The following CACNA2D3 variants were observed in gnomAD, a reference collection of about 807,000 sequenced individuals.
The protein encoded by CACNA2D3 is calcium voltage-gated channel auxiliary subunit alpha2delta 3.
CACNA2D3 carries 60 observed loss-of-function variants against 160.6 expected under a neutral mutation model. The observed-to-expected ratio is 0.37, with a 90% CI of 0.30 to 0.46. The LOEUF (loss-of-function observed/expected upper bound fraction) is 0.46. Ranked by LOEUF, CACNA2D3 falls within the 20% of genes least tolerant of loss-of-function variation. The probability of loss-of-function intolerance (pLI) is 1.00; values close to 1 mark genes in which losing one functional copy is unlikely to be tolerated. For missense variants in CACNA2D3, 1,205 were observed against 1,365.0 expected (o/e 0.88, Z 1.85); for synonymous variants, 558 against 492.9 (o/e 1.13, Z -1.75).
intron 9 of CACNA2D3, among the ~76,000 whole-genome samples, chr3:54,627,319 T>A (rs940972760): frequency 2.6e-5 from 4 of 152,160 alleles, no homozygotes; most frequent in Non-Finnish European, 4.4e-5. Flanking sequence ...GCTCTGAGAA[T>A]ACGTCATGCG....
At chr3:54,697,089 C>A (rs1700679825) in intron 11 of CACNA2D3, among the ~76,000 whole-genome samples, 1 of 152,110 alleles carries the variant, frequency 6.6e-6, no homozygotes, top group Non-Finnish European at 1.5e-5. Context: ...CCAGCCCAGG[C>A]AACATGGCAA....
chr3:54,689,721 G>GACACAC (rs374097446), intron 11 of CACNA2D3, among the ~76,000 whole-genome samples: 1 of 150,332 alleles, frequency 6.7e-6, no homozygotes, highest in African/African-American at 2.4e-5. Context: ...TGCCGACTCT[G>GACACAC]ACACACACAC....
chr3:54,444,170 G>A (rs1258283992), intron 4 of CACNA2D3, among the ~76,000 whole-genome samples: 3 of 152,174 alleles, frequency 2.0e-5, no homozygotes, highest in Non-Finnish European at 4.4e-5. Context: ...TAACCAAGGT[G>A]CCCAGCTGTC....
chr3:54,464,588 A>T (rs1176861722), intron 4 of CACNA2D3, among the ~76,000 whole-genome samples: 6 of 152,140 alleles, frequency 3.9e-5, no homozygotes, highest in African/African-American at 1.2e-4. Context: ...CAAGTGCGGG[A>T]TATAATCTCC....
At chr3:54,232,440 C>G (rs1701790058) in intron 2 of CACNA2D3, among the ~76,000 whole-genome samples, 1 of 152,096 alleles carries the variant, frequency 6.6e-6, no homozygotes, top group South Asian at 2.1e-4. Context: ...TATACTGGGC[C>G]CTGGGCTAAG....
chr3:54,879,839 C>T (rs757791815), intron 20 of CACNA2D3, among the ~76,000 whole-genome samples: 28 of 152,318 alleles, frequency 1.8e-4, no homozygotes, highest in Non-Finnish European at 3.7e-4. Context: ...TTCCATTTCT[C>T]TGAACTGTCC....
At chr3:54,871,729 C>T in intron 18 of CACNA2D3, 107 bp downstream of exon 18, 1 of 777,966 alleles carries the variant, frequency 1.3e-6, no homozygotes, top group East Asian at 2.6e-5. Context: ...GAAGGGACAC[C>T]TGGCTACCAG....
chr3:55,008,776 G>C (rs905759727), intron 33 of CACNA2D3, among the ~76,000 whole-genome samples: 1 of 151,980 alleles, frequency 6.6e-6, no homozygotes, highest in Non-Finnish European at 1.5e-5. Context: ...ATCCACTGGA[G>C]GATAATTTAT....
chr3:54,123,311 C>CG, intron 1 of CACNA2D3: 1 of 587,622 alleles, frequency 1.7e-6, no homozygotes, highest in East Asian at 2.8e-5. Flanking sequence ...CCGCGACCCC[C>CG]CTCGGGCCCC....
At chr3:54,668,579 CG>C (rs1194050196) in intron 11 of CACNA2D3, among the ~76,000 whole-genome samples, 1 of 150,660 alleles carries the variant, frequency 6.6e-6, no homozygotes, top group Non-Finnish European at 1.5e-5. Context: ...TGCTTTGTAT[CG>C]GGGAGTTCTT....
intron 11 of CACNA2D3, among the ~76,000 whole-genome samples, chr3:54,722,267 A>C (rs937439779): frequency 6.6e-6 from 1 of 152,096 alleles, no homozygotes; most frequent in Non-Finnish European, 1.5e-5. Flanking sequence ...CCATCAGGTC[A>C]TTTATGTTCT....
intron 31 of CACNA2D3, among the ~76,000 whole-genome samples, chr3:54,994,219 C>T (rs3773576): frequency 0.037 from 5,682 of 152,154 alleles, 160 homozygotes; most frequent in Middle Eastern, 0.082. Context: ...GGAGCTTTCC[C>T]TGTCTTTGGT....
intron 5 of CACNA2D3, among the ~76,000 whole-genome samples, chr3:54,505,852 C>T: frequency 6.6e-6 from 1 of 152,208 alleles, no homozygotes. Flanking sequence ...ACCCACACCA[C>T]CACTGATCAC....
chr3:54,924,218 G>C (rs752275201), intron 27 of CACNA2D3, among the ~76,000 whole-genome samples: 3 of 152,184 alleles, frequency 2.0e-5, no homozygotes, highest in Non-Finnish European at 4.4e-5. Context: ...AGCAGACAAA[G>C]AGAGAAAAAT....
At chr3:54,881,660 G>A (rs1053648745) in intron 21 of CACNA2D3, among the ~76,000 whole-genome samples, 2 of 152,186 alleles carry the variant, frequency 1.3e-5, no homozygotes, top group African/African-American at 4.8e-5. Context: ...TCACTTGCAG[G>A]TCATTAGGTT....
chr3:54,581,510 C>T (rs974603722), intron 8 of CACNA2D3, among the ~76,000 whole-genome samples: 4 of 152,150 alleles, frequency 2.6e-5, no homozygotes, highest in Non-Finnish European at 4.4e-5. Context: ...GAACTGCCAG[C>T]GTTTGGAGGC....
intron 27 of CACNA2D3, among the ~76,000 whole-genome samples, chr3:54,929,409 T>TGGAAACTGGCCCTTCGTGCCAC (rs1701125055): frequency 6.6e-6 from 1 of 152,184 alleles, no homozygotes; most frequent in African/African-American, 2.4e-5. Context: ...CAGAGGGCCA[T>TGGAAACTGGCCCTTCGTGCCAC]GGAACCTGGC....
chr3:55,001,080 G>A (rs1333998742), intron 31 of CACNA2D3, among the ~76,000 whole-genome samples: 2 of 152,182 alleles, frequency 1.3e-5, no homozygotes, highest in African/African-American at 4.8e-5. Context: ...GATGTGTTTA[G>A]AGGAGTACCT....
At chr3:55,017,557 C>T (rs1355705415) in intron 34 of CACNA2D3, among the ~76,000 whole-genome samples, 1 of 152,144 alleles carries the variant, frequency 6.6e-6, no homozygotes, top group African/African-American at 2.4e-5. Flanking sequence ...ACTTTATTAT[C>T]CTCAGTTTAC....
Sources: allele counts gnomAD v4.1 joint callset (sites outside exome capture counted in the v4.1 genomes callset), GRCh38; gene constraint gnomAD v4.1.1; transcripts MANE v1.5; gene names NCBI Gene and HGNC (gene_info 2026-07-23, HGNC 2026-07-21).